The following ANKRD44 variants were observed in gnomAD, a reference collection of about 807,000 sequenced individuals.
ANKRD44 encodes the protein serine/threonine-protein phosphatase 6 regulatory ankyrin repeat subunit B.
In ANKRD44, 35 loss-of-function variants were observed where a neutral mutation model predicts 116.0. The ratio of observed to expected loss-of-function variants is 0.30; its 90% CI spans 0.23 to 0.40. The LOEUF is 0.40. ANKRD44 is among the 10% of genes least tolerant of loss of function. ANKRD44 has a pLI of 1.00. For missense variants in ANKRD44, 1,014 were observed against 1,242.6 expected (o/e 0.82, Z 2.77); for synonymous variants, 435 against 461.8 (o/e 0.94, Z 0.74).
At chr2:197,181,515 G>T (rs929742538) in intron 2 of ANKRD44, among the ~76,000 whole-genome samples, 1 of 152,114 alleles carries the variant, frequency 6.6e-6, no homozygotes, top group East Asian at 1.9e-4. Flanking sequence ...CCTCGTCCAG[G>T]CATGGAGAGG....
At chr2:197,302,561 C>T (rs916314688) in intron 1 of ANKRD44, 2 of 152,204 alleles carry the variant, frequency 1.3e-5, no homozygotes, top group Admixed American at 1.3e-4. Flanking sequence ...GGGGTGTAGG[C>T]CACACCTACT....
chr2:197,131,826 C>T (rs2079103740), intron 4 of ANKRD44, among the ~76,000 whole-genome samples: 1 of 152,208 alleles, frequency 6.6e-6, no homozygotes, highest in East Asian at 1.9e-4. Flanking sequence ...ATGCCTTCTA[C>T]CAAGTGGGCT....
intron 2 of ANKRD44, among the ~76,000 whole-genome samples, chr2:197,156,901 C>T (rs1017057856): frequency 1.3e-5 from 2 of 152,026 alleles, no homozygotes; most frequent in African/African-American, 4.8e-5. Flanking sequence ...CAAACTAATA[C>T]ACAGTGACAG....
intron 16 of ANKRD44, among the ~76,000 whole-genome samples, chr2:197,054,770 T>C (rs1334499210): frequency 6.6e-6 from 1 of 152,210 alleles, no homozygotes; most frequent in Non-Finnish European, 1.5e-5. Flanking sequence ...ATAATAATCC[T>C]AGTAACTCTT....
chr2:197,113,733 A>G (rs2078644829), intron 8 of ANKRD44, among the ~76,000 whole-genome samples: 1 of 152,224 alleles, frequency 6.6e-6, no homozygotes, highest in South Asian at 2.1e-4. Flanking sequence ...GTGCACTTGT[A>G]AAGGGACAAG....
chr2:197,075,555 C>G (rs755602129), intron 16 of ANKRD44, among the ~76,000 whole-genome samples: 54 of 152,210 alleles, frequency 3.5e-4, no homozygotes, highest in Non-Finnish European at 5.4e-4. Context: ...TCAAGACCAG[C>G]TGAGAATACT....
chr2:197,274,312 G>T (rs1351895397), intron 1 of ANKRD44, among the ~76,000 whole-genome samples: 2 of 152,054 alleles, frequency 1.3e-5, no homozygotes, highest in African/African-American at 4.8e-5. Context: ...TTGCTCTGAG[G>T]CACAGTGAGG....
chr2:197,078,323 ACACG>A, intron 16 of ANKRD44: 1 of 274,408 alleles, frequency 3.6e-6, no homozygotes, highest in Non-Finnish European at 7.3e-6. Flanking sequence ...ACACACACAC[ACACG>A]CATACACATT....
At chr2:197,225,389 G>C (rs897267006) in intron 1 of ANKRD44, among the ~76,000 whole-genome samples, 20 of 152,094 alleles carry the variant, frequency 1.3e-4, no homozygotes, top group African/African-American at 4.1e-4. Flanking sequence ...TGTCACCCAG[G>C]CTGGAGTGCA....
intron 4 of ANKRD44, among the ~76,000 whole-genome samples, chr2:197,128,729 T>C (rs2079032456): frequency 6.6e-6 from 1 of 152,228 alleles, no homozygotes; most frequent in South Asian, 2.1e-4. Flanking sequence ...GTGTCCTGAA[T>C]GGCACTGCCT....
Position 196,987,114 on chromosome 2 carries a change from C to T in ANKRD44, c.*2477G>A. 1 of 983,880 alleles carries T rather than the reference C, an allele frequency of 1.0e-6. No homozygotes were observed. The highest frequency in any genetic ancestry group is 5.2e-4 in the Middle Eastern group (1 of 1,912). 60.9% of individuals were successfully genotyped at this position (983,880 alleles called of 1,614,324 possible). On this transcript the variant is annotated 3_prime_UTR_variant, in exon 28 of 28. Transcript: ENST00000282272. Reference sequence around the variant, plus strand: ...ATCACATAAGAAACGCATAGAATTACATTTTATACAAACACTCAGATTGTC... The same window carrying T: ...ATCACATAAGAAACGCATAGAATTATATTTTATACAAACACTCAGATTGTC...
intron 15 of ANKRD44, among the ~76,000 whole-genome samples, chr2:197,081,047 C>T (rs935810137): frequency 2.6e-5 from 4 of 152,170 alleles, no homozygotes; most frequent in African/African-American, 9.7e-5. Flanking sequence ...TAGAGGTTCC[C>T]GTGCATCTAC....
chr2:197,269,131 G>T (rs2082822699), intron 1 of ANKRD44, among the ~76,000 whole-genome samples: 2 of 152,084 alleles, frequency 1.3e-5, no homozygotes, highest in Admixed American at 1.3e-4. Flanking sequence ...TATTCATGAA[G>T]ATATATACTT....
At chr2:197,013,103 T>C (rs563787916) in intron 18 of ANKRD44, among the ~76,000 whole-genome samples, 5 of 152,218 alleles carry the variant, frequency 3.3e-5, no homozygotes, top group Non-Finnish European at 7.3e-5. Flanking sequence ...TGATTCCTTA[T>C]GCGAAATAGC....
chr2:197,240,392 A>G (rs2082066365), intron 1 of ANKRD44, among the ~76,000 whole-genome samples: 1 of 143,290 alleles, frequency 7.0e-6, no homozygotes, highest in East Asian at 2.1e-4. Flanking sequence ...AAAAAAAAAA[A>G]GAGCCAAGCC....
intron 10 of ANKRD44, among the ~76,000 whole-genome samples, chr2:197,096,754 T>C (rs920276287): frequency 2.6e-5 from 4 of 152,206 alleles, no homozygotes; most frequent in Admixed American, 2.6e-4. Context: ...AATAATCCTA[T>C]AAGGAACCCA....
At chr2:197,027,351 G>C (rs1286725836) in intron 16 of ANKRD44, among the ~76,000 whole-genome samples, 1 of 152,174 alleles carries the variant, frequency 6.6e-6, no homozygotes. Flanking sequence ...AACAGAGCCA[G>C]ACTCTGTCTC....
intron 4 of ANKRD44, among the ~76,000 whole-genome samples, chr2:197,131,673 A>T (rs2079100554): frequency 6.6e-6 from 1 of 152,226 alleles, no homozygotes; most frequent in Non-Finnish European, 1.5e-5. Flanking sequence ...TGGTTATAGC[A>T]GAAAGGGCAC....
At chr2:197,135,684 A>G (rs1436443711) in intron 4 of ANKRD44, 1 of 152,280 alleles carries the variant, frequency 6.6e-6, no homozygotes, top group Non-Finnish European at 1.5e-5. Context: ...CCCTGTCCTC[A>G]TGGAGCTCCC....
Sources: allele counts gnomAD v4.1 joint callset (sites outside exome capture counted in the v4.1 genomes callset), GRCh38; gene constraint gnomAD v4.1.1; transcripts MANE v1.5; gene names NCBI Gene and HGNC (gene_info 2026-07-23, HGNC 2026-07-21).